The following TMEM230 variants were observed in gnomAD, a reference collection of about 807,000 sequenced individuals.
TMEM230 encodes the protein UPF0414 transmembrane protein C20orf30.
TMEM230 carries 10 observed loss-of-function variants against 15.8 expected under a neutral mutation model. The observed-to-expected ratio is 0.63, with a 90% CI of 0.39 to 1.07. The LOEUF (loss-of-function observed/expected upper bound fraction) is 1.07, where lower values mean the gene tolerates loss of function less well. Ranked by LOEUF, TMEM230 falls within the 50% of genes least tolerant of loss-of-function variation. The pLI is 0.01. For missense variants in TMEM230, 165 were observed against 193.3 expected, an observed-to-expected ratio of 0.85 and a Z score of 0.87; for synonymous variants, 67 against 76.9, an observed-to-expected ratio of 0.87 and a Z score of 0.68.
chr20:5,092,040 G>A (rs184773904), intron 3 of TMEM230, among the ~76,000 whole-genome samples: 96 of 152,278 alleles, frequency 6.3e-4, no homozygotes, highest in African/African-American at 2.3e-3. Flanking sequence ...GTATATAAAC[G>A]TGAGCTTACT....
chr20:5,103,894 G>A (rs986661662), intron 4 of TMEM230, among the ~76,000 whole-genome samples: 1 of 152,220 alleles, frequency 6.6e-6, no homozygotes, highest in South Asian at 2.1e-4. Flanking sequence ...GATTTCTTGA[G>A]TAATGCCCCC....
rs2090391936 is a variant in TMEM230, at chr20:5,113,008, T to C, written c.21A>G (p.Pro7=). The C allele has an allele frequency of 6.5e-7, 1 of 1,550,032 alleles. No homozygotes were observed. Among genetic ancestry groups the C allele is most frequent in the Non-Finnish European group, 8.7e-7 (1 of 1,147,384 alleles). Residue 7 remains proline, a synonymous_variant, in exon 1 of 5, where the codon CCA becomes CCG. Coordinates refer to ENST00000342308, the MANE Select transcript of TMEM230 (RefSeq NM_001009923.2). Reference sequence around the variant, plus strand: ...CGCACACCCAGAGCTCGCCCACGGTTGGCAGCGCCCAAGGTTGCATGGCAT... The same window carrying C: ...CGCACACCCAGAGCTCGCCCACGGTCGGCAGCGCCCAAGGTTGCATGGCAT...
the TMEM230 span, chr20:5,061,297 C>T: frequency 1.3e-5 from 2 of 152,216 alleles, no homozygotes; most frequent in Non-Finnish European, 2.9e-5. Flanking sequence ...CTCTTTGCCA[C>T]TGAGTGCAGA....
At chr20:5,070,349 A>T (rs1389105975) in intron 3 of TMEM230, among the ~76,000 whole-genome samples, 1 of 152,056 alleles carries the variant, frequency 6.6e-6, no homozygotes, top group African/African-American at 2.4e-5. Context: ...AACAACAATC[A>T]CCTAAGAGAT....
At chr20:5,064,873 TTAAAAAAA>T (rs2088637170), downstream of TMEM230, among the ~76,000 whole-genome samples, 1 of 151,754 alleles carries the variant, frequency 6.6e-6, no homozygotes, top group Non-Finnish European at 1.5e-5. Flanking sequence ...CTTGTACAGA[TTAAAAAAA>T]TACCAGGGGC....
At chr20:5,107,813 CAAAA>C (rs374440749) in intron 3 of TMEM230, among the ~76,000 whole-genome samples, 6 of 119,922 alleles carry the variant, frequency 5.0e-5, no homozygotes, top group Admixed American at 8.3e-5. Flanking sequence ...GACCCTGTCT[CAAAA>C]AAAAAAAAAA....
rs770093913 is a variant in TMEM230, at chr20:5,106,288, A to C, written c.311T>G (p.Ile104Ser). 1 of 1,609,212 alleles carries C rather than the reference A, an allele frequency of 6.2e-7. No individual in the cohort carries two copies. The highest frequency in any genetic ancestry group is 8.5e-7 in the Non-Finnish European group (1 of 1,178,726). ...GGCAAGTGCGATGGCCTTATAAGGG[A>C]TCTTAGGAGGGGTTTTCTTAAACTG... Residue 104 changes from isoleucine (I) to serine (S), a missense_variant, in exon 4 of 5, where the codon ATC becomes AGC. By Grantham distance (142) the Ile-to-Ser change is moderately radical. Transcript: ENST00000342308.
chr20:5,096,652 A>G (rs2089672634), downstream of TMEM230, among the ~76,000 whole-genome samples: 1 of 152,194 alleles, frequency 6.6e-6, no homozygotes, highest in Non-Finnish European at 1.5e-5. Flanking sequence ...AGAGGGTGCC[A>G]GGCAGAGGCA....
intron 3 of TMEM230, among the ~76,000 whole-genome samples, chr20:5,082,807 T>G (rs972497433): frequency 2.0e-5 from 3 of 152,226 alleles, no homozygotes; most frequent in Non-Finnish European, 4.4e-5. Context: ...CCTTTGGCTT[T>G]GTTCAATCAA....
intron 4 of TMEM230, among the ~76,000 whole-genome samples, chr20:5,102,327 T>C (rs1481735205): frequency 6.6e-6 from 1 of 152,074 alleles, no homozygotes; most frequent in East Asian, 1.9e-4. Flanking sequence ...ATTAAGGCCA[T>C]AATAAAAAGT....
chr20:5,097,657 A>G (rs1227007059), downstream of TMEM230, among the ~76,000 whole-genome samples: 1 of 152,138 alleles, frequency 6.6e-6, no homozygotes, highest in Non-Finnish European at 1.5e-5. Context: ...TATTTTTTTG[A>G]GACGGAGTCT....
the TMEM230 span, chr20:5,061,441 G>T: frequency 6.6e-6 from 1 of 152,138 alleles, no homozygotes; most frequent in African/African-American, 2.4e-5. Flanking sequence ...CAAACTCCCT[G>T]AGTCACATCC....
exon 4 of TMEM230, chr20:5,068,981 A>G (rs2088737291): frequency 1.9e-6 from 1 of 531,742 alleles, no homozygotes; most frequent in Non-Finnish European, 3.3e-6. Flanking sequence ...TCACAAGAGG[A>G]GTTGCATAGG....
rs1819649328 is a variant in TMEM230, at chr20:5,069,271, C to T, written c.301G>A (p.Gly101Ser). 2.6e-6 allele frequency: 4 copies of T among 1,535,986 alleles called. No individual in the cohort carries two copies. The East Asian group carries it at 9.8e-5, about 38-fold the overall frequency. ...CCTTCGGGACTCCTCCCACTGATGC[C>T]TCCCATCATGTACCCACGGGATGCT... is the stretch of plus-strand genomic sequence containing the variant. The change falls in exon 4 of 4, where the codon GGC (glycine) becomes AGC (serine). Residue 101 changes from glycine (G) to serine (S), a missense_variant. Physicochemically the swap from Gly to Ser is moderately conservative, Grantham distance 56. Transcript: ENST00000612323.
In TMEM230 at chr20:5,109,438, T is replaced by C; in HGVS notation, c.182A>G (p.Gln61Arg). The change falls in exon 3 of 5, where the codon CAG becomes CGG. Residue 61 changes from glutamine (Q) to arginine (R), a missense_variant. Physicochemically the swap from Gln to Arg is conservative, Grantham distance 43. Coordinates refer to ENST00000342308, the MANE Select transcript of TMEM230 (RefSeq NM_001009923.2). Reference sequence around the variant, plus strand: ...GGTACGGGACGGCATCATAACACGCTGACACAGCTACAGTTTAAAAACAAA... The same window carrying C: ...GGTACGGGACGGCATCATAACACGCCGACACAGCTACAGTTTAAAAACAAA... The C allele has an allele frequency of 1.2e-6, 2 of 1,613,414 alleles. No homozygotes were observed. The highest frequency in any genetic ancestry group is 8.5e-7 in the Non-Finnish European group (1 of 1,179,514).
the TMEM230 span, among the ~76,000 whole-genome samples, chr20:5,062,200 C>G: frequency 6.8e-6 from 1 of 148,072 alleles, no homozygotes. Flanking sequence ...CCAGCCTAGG[C>G]AACAAAAGTG....
chr20:5,105,213 G>A (rs756410509), intron 4 of TMEM230, among the ~76,000 whole-genome samples: 1 of 152,170 alleles, frequency 6.6e-6, no homozygotes, highest in Non-Finnish European at 1.5e-5. Flanking sequence ...TTGAACCCAC[G>A]AGCCGGAGTT....
At chr20:5,102,465 C>G (rs2089910215) in intron 4 of TMEM230, among the ~76,000 whole-genome samples, 1 of 151,922 alleles carries the variant, frequency 6.6e-6, no homozygotes, top group Non-Finnish European at 1.5e-5. Context: ...CCAAGGCAGG[C>G]AGATCGCTTG....
chr20:5,089,297 C>A (rs1418557978), intron 3 of TMEM230, among the ~76,000 whole-genome samples: 2 of 151,992 alleles, frequency 1.3e-5, no homozygotes, highest in East Asian at 3.9e-4. Flanking sequence ...ATCGCTTGAA[C>A]CTGGGAGGCG....
Sources: allele counts gnomAD v4.1 joint callset (sites outside exome capture counted in the v4.1 genomes callset), GRCh38; gene constraint gnomAD v4.1.1; transcripts MANE v1.5; gene names NCBI Gene and HGNC (gene_info 2026-07-23, HGNC 2026-07-21).